Variants in NUP107 observed in about 807,000 individuals in gnomAD.
NUP107 encodes the protein nuclear pore complex protein Nup107.
In NUP107, 101 loss-of-function variants were observed where a neutral mutation model predicts 141.0. The ratio of observed to expected loss-of-function variants is 0.72; its 90% CI spans 0.61 to 0.84. The LOEUF is 0.84. Ranked by LOEUF, NUP107 falls within the 40% of genes least tolerant of loss-of-function variation. The pLI, the probability that NUP107 is intolerant of heterozygous loss-of-function variation, is 0.00. For missense variants in NUP107, 941 were observed against 1,102.7 expected (o/e 0.85, Z 2.08); for synonymous variants, 319 against 363.9 (o/e 0.88, Z 1.41).
intron 8 of NUP107, chr12:68,706,695 C>G (rs1876598726): frequency 1.3e-6 from 1 of 745,902 alleles, no homozygotes; most frequent in African/African-American, 1.7e-5. Context: ...GCTGTCCAAG[C>G]TGGAGGTGGG....
intron 9 of NUP107, 88 bp downstream of exon 9, chr12:68,709,397 A>G: frequency 1.4e-6 from 1 of 712,546 alleles, no homozygotes; most frequent in African/African-American, 1.8e-5. Context: ...TTAACTTAAA[A>G]CTGTTTTCTG....
Position 68,729,094 on chromosome 12 carries a change from G to A in NUP107, c.1734+1705G>A, listed in dbSNP as rs966686815. 2.6e-4 allele frequency among the ~76,000 whole-genome samples: 39 copies of A among 152,282 alleles called. 1 individual carries two copies. The highest frequency in any genetic ancestry group is 7.4e-5 in the Non-Finnish European group (5 of 68,020). ...GAAAGCTTACTTTTTATTGCAGTAT[G>A]CAACTGAAGAGACCAACAGCTCTTC... On this transcript the variant is annotated intron_variant, in intron 20 of 27. Transcript: ENST00000229179.
chr12:68,733,043 G>A (rs1877907248), intron 23 of NUP107, among the ~76,000 whole-genome samples: 1 of 152,018 alleles, frequency 6.6e-6, no homozygotes, highest in African/African-American at 2.4e-5. Context: ...TTGGGGTGGG[G>A]GGTTGCTTTT....
At chr12:68,727,662 AAC>A (rs1293130584) in intron 20 of NUP107, among the ~76,000 whole-genome samples, 2 of 152,122 alleles carry the variant, frequency 1.3e-5, no homozygotes, top group African/African-American at 4.8e-5. Flanking sequence ...CAATAACATA[AAC>A]ACACAATTAA....
intron 27 of NUP107, 69 bp from the exon 28 acceptor site, chr12:68,742,286 T>C (rs1878351366): frequency 1.0e-6 from 1 of 977,712 alleles, no homozygotes; most frequent in South Asian, 1.4e-5. Flanking sequence ...ATCAGATCGA[T>C]TAGGTAACTA....
Position 68,731,217 on chromosome 12 carries a change from A to T in NUP107, c.1842A>T (p.Glu614Asp). 1 of 1,612,128 alleles carries T rather than the reference A, an allele frequency of 6.2e-7. No homozygotes were observed. Among genetic ancestry groups the T allele is most frequent in the South Asian group, 1.1e-5 (1 of 90,646 alleles). Reference sequence around the variant, plus strand: ...CATTATTTTTGGAAAGTGTTACAGAATTTGAACAGCGCCACCATTGCCTGG... The same window carrying T: ...CATTATTTTTGGAAAGTGTTACAGATTTTGAACAGCGCCACCATTGCCTGG... ...QYALFLESVT[E>D]FEQRHHCLEL... Residue 614 changes from glutamate to aspartate, a missense_variant, in exon 21 of 28, where the codon GAA becomes GAT. Glu to Asp is a conservative substitution (Grantham distance 45, BLOSUM62 2). Coordinates refer to ENST00000229179, the MANE Select transcript of NUP107 (RefSeq NM_020401.4).
rs1878408951 is a variant in NUP107, at chr12:68,743,672, TA to T, written c.*1212del. ...GGAGACAACTAAAAGAATGTGATTCTAATAGAAAACAGTAATTCCCCAAACT... is the reference window on the plus strand; with the variant it reads ...GGAGACAACTAAAAGAATGTGATTCTATAGAAAACAGTAATTCCCCAAACT... On this transcript the variant is annotated 3_prime_UTR_variant, in exon 28 of 28. Coordinates refer to ENST00000229179, the MANE Select transcript of NUP107 (RefSeq NM_020401.4). The T allele has an allele frequency of 6.6e-6, 1 of 152,164 alleles. No individual in the cohort carries two copies. The highest frequency in any genetic ancestry group is 2.4e-5 in the African/African-American group (1 of 41,446). The allele number at this position is 152,164 out of a possible 1,614,324, so 9.4% of individuals were successfully genotyped here. A position where few individuals can be genotyped will look rare whatever the true frequency, so the allele number is the denominator to read the frequency against.
At chr12:68,737,312 C>T (rs189120963) in intron 26 of NUP107, among the ~76,000 whole-genome samples, 35 of 152,208 alleles carry the variant, frequency 2.3e-4, no homozygotes, top group South Asian at 1.7e-3. Flanking sequence ...CGCCTGTACT[C>T]CTAGCACTTT....
At chr12:68,702,977 G>T (rs1348620360) in intron 8 of NUP107, among the ~76,000 whole-genome samples, 193 bp downstream of exon 8, 1 of 151,784 alleles carries the variant, frequency 6.6e-6, no homozygotes, top group Non-Finnish European at 1.5e-5. Context: ...CTGAGTAGCT[G>T]GGATTACAGG....
In NUP107 at chr12:68,742,425, A is replaced by G; in HGVS notation, c.2741A>G (p.Gln914Arg). Residue 914 changes from glutamine (Q) to arginine (R), a missense_variant, in exon 28 of 28, where the codon CAG becomes CGG. Coordinates refer to ENST00000229179, the MANE Select transcript of NUP107 (RefSeq NM_020401.4). Reference sequence around the variant, plus strand: ...GAGTCCTCTCTAATGCTCCTAGACCAGGGACTTGACCCATTAGGGTATGAA... The same window carrying G: ...GAGTCCTCTCTAATGCTCCTAGACCGGGGACTTGACCCATTAGGGTATGAA... ...LRESSLMLLD[Q>R]GLDPLGYEIQ... 1.2e-6 allele frequency: 2 copies of G among 1,606,444 alleles called. No homozygotes were observed. Among genetic ancestry groups the G allele is most frequent in the Non-Finnish European group, 1.7e-6 (2 of 1,175,272 alleles).
At chr12:68,702,670 C>A in intron 7 of NUP107, 66 bp from the exon 8 acceptor site, 1 of 1,100,442 alleles carries the variant, frequency 9.1e-7, no homozygotes, top group Non-Finnish European at 1.3e-6. Context: ...CTCTCAGATG[C>A]TCAGTGGCAA....
chr12:68,689,195 A>G (rs771503982), intron 2 of NUP107, 142 bp downstream of exon 2: 90 of 585,150 alleles, frequency 1.5e-4, no homozygotes, highest in Non-Finnish European at 2.4e-4. Flanking sequence ...CAGAGCTGTC[A>G]TTTGGTAAAT....
intron 5 of NUP107, among the ~76,000 whole-genome samples, chr12:68,693,352 C>T (rs534461060): frequency 6.6e-6 from 1 of 152,226 alleles, no homozygotes; most frequent in Admixed American, 6.5e-5. Context: ...CCTGAGATTA[C>T]AGGCGTAAGC....
At chr12:68,722,254 T>C in intron 17 of NUP107, 102 bp downstream of exon 17, 1 of 838,112 alleles carries the variant, frequency 1.2e-6, no homozygotes, top group Non-Finnish European at 1.8e-6. Context: ...TCTCCCTTTT[T>C]CTCACCTATT....
chr12:68,695,859 TG>T (rs1326183412), intron 5 of NUP107, among the ~76,000 whole-genome samples: 1 of 151,898 alleles, frequency 6.6e-6, no homozygotes, highest in Non-Finnish European at 1.5e-5. Context: ...AAAAATTAGC[TG>T]GGCATGGTGG....
intron 20 of NUP107, among the ~76,000 whole-genome samples, chr12:68,730,050 C>T (rs943853859): frequency 1.5e-4 from 22 of 151,672 alleles, no homozygotes; most frequent in Non-Finnish European, 2.4e-4. Flanking sequence ...TAACCTCAGA[C>T]TCCTGGGCTC....
chr12:68,697,116 G>T (rs1876105274), intron 6 of NUP107, among the ~76,000 whole-genome samples, 194 bp downstream of exon 6: 1 of 152,202 alleles, frequency 6.6e-6, no homozygotes, highest in African/African-American at 2.4e-5. Flanking sequence ...GGAGAAAAAA[G>T]GATTCTGCTG....
chr12:68,731,794 C>A, intron 22 of NUP107, 75 bp downstream of exon 22: 1 of 840,464 alleles, frequency 1.2e-6, no homozygotes, highest in South Asian at 1.8e-5. Context: ...TGAACTTCTC[C>A]CTTCGTAAAA....
chr12:68,707,636 CAT>C (rs776750557), intron 8 of NUP107, among the ~76,000 whole-genome samples: 8 of 152,218 alleles, frequency 5.3e-5, no homozygotes, highest in East Asian at 3.9e-4. Flanking sequence ...AATATGTGCA[CAT>C]GTTTTTAATC....
Sources: allele counts gnomAD v4.1 joint callset (sites outside exome capture counted in the v4.1 genomes callset), GRCh38; gene constraint gnomAD v4.1.1; transcripts MANE v1.5; gene names NCBI Gene and HGNC (gene_info 2026-07-23, HGNC 2026-07-21).